PTPRD: variants seen among roughly 807,000 people sequenced by gnomAD.
PTPRD encodes protein tyrosine phosphatase receptor type D, also known as receptor-type tyrosine-protein phosphatase delta.
A neutral mutation model predicts 214.5 loss-of-function variants in PTPRD; 34 were observed. The ratio of observed to expected loss-of-function variants is 0.16; its 90% confidence interval spans 0.12 to 0.21. The LOEUF (loss-of-function observed/expected upper bound fraction) is 0.21. PTPRD is among the 10% of genes least tolerant of loss of function. The pLI is 1.00. For missense variants in PTPRD, 2,545 were observed against 2,398.7 expected (o/e 1.06, Z -1.27); for synonymous variants, 1,128 against 845.7 (o/e 1.33, Z -5.79).
At chr9:9,308,958 A>G (rs1341461075) in intron 9 of PTPRD, among the ~76,000 whole-genome samples, 2 of 152,118 alleles carry the variant, frequency 1.3e-5, no homozygotes, top group African/African-American at 2.4e-5. Flanking sequence ...ATTTTCCAGA[A>G]ATATCAGGTA....
chr9:9,447,785 A>G (rs77575194), intron 8 of PTPRD, among the ~76,000 whole-genome samples: 1,731 of 152,236 alleles, frequency 0.011, 39 homozygotes, highest in African/African-American at 0.039. Context: ...TAGGCAGAAT[A>G]TGGAAGAACG....
chr9:8,593,433 C>G (rs1017139302), intron 14 of PTPRD, among the ~76,000 whole-genome samples: 1 of 152,222 alleles, frequency 6.6e-6, no homozygotes, highest in African/African-American at 2.4e-5. Context: ...TTTGTTGTTG[C>G]TATTTCTAAT....
At chr9:9,111,864 A>T (rs933144018) in intron 10 of PTPRD, among the ~76,000 whole-genome samples, 1 of 152,160 alleles carries the variant, frequency 6.6e-6, no homozygotes, top group Non-Finnish European at 1.5e-5. Context: ...TTTCCACTGC[A>T]TGATACAAAA....
intron 11 of PTPRD, among the ~76,000 whole-genome samples, chr9:8,888,410 T>C (rs949238298): frequency 1.3e-5 from 2 of 152,176 alleles, no homozygotes; most frequent in African/African-American, 4.8e-5. Context: ...TACCACTAAA[T>C]TCAAGGTAGA....
chr9:8,573,042 A>G (rs951843869), intron 14 of PTPRD, among the ~76,000 whole-genome samples: 3 of 152,096 alleles, frequency 2.0e-5, no homozygotes, highest in African/African-American at 7.2e-5. Flanking sequence ...ATTTTTGTTC[A>G]TGATCTGTTG....
At chr9:10,005,738 A>G (rs2096460234) in intron 4 of PTPRD, among the ~76,000 whole-genome samples, 1 of 152,114 alleles carries the variant, frequency 6.6e-6, no homozygotes, top group Non-Finnish European at 1.5e-5. Flanking sequence ...TGATAAAATG[A>G]AAATATACAT....
At chr9:8,449,528 A>T (rs893270893) in intron 34 of PTPRD, among the ~76,000 whole-genome samples, 197 bp downstream of exon 34, 1 of 152,162 alleles carries the variant, frequency 6.6e-6, no homozygotes, top group African/African-American at 2.4e-5. Flanking sequence ...TTTCTTCCCT[A>T]CCCAATTTCC....
intron 7 of PTPRD, among the ~76,000 whole-genome samples, chr9:9,637,742 C>T (rs954843014): frequency 6.6e-6 from 1 of 152,134 alleles, no homozygotes; most frequent in Non-Finnish European, 1.5e-5. Context: ...TTAGGCATTG[C>T]CCTATTGAGA....
At position 8,920,353 on chromosome 9, in the gene PTPRD, C is replaced by T. The variant is rs114762401; in HGVS notation, c.-104+98344G>A. On this transcript the variant is annotated intron_variant, in intron 11 of 45. Coordinates refer to ENST00000381196, the MANE Select transcript of PTPRD (RefSeq NM_002839.4). The stretch of plus-strand genomic sequence containing the variant: ...GAGACTCCAAAAAAAAATATTAAGA[C>T]AATATTTTTTCTTAAATACTAAGGA... 6.4e-3 allele frequency among the ~76,000 whole-genome samples: 974 copies of T among 151,934 alleles called. 13 individuals are homozygous for T. The highest frequency in any genetic ancestry group is 0.022 in the African/African-American group (892 of 41,448).
chr9:9,066,563 A>G lies in PTPRD; in HGVS notation c.-142-47828T>C, dbSNP rs1400808553. Reference sequence around the variant, plus strand: ...ATATGACCAACAACAACAACAACAAAAAGTTTTGCAGATGTGACTAAATTA... The same window carrying G: ...ATATGACCAACAACAACAACAACAAGAAGTTTTGCAGATGTGACTAAATTA... On this transcript the variant is annotated intron_variant, in intron 10 of 45. Coordinates refer to ENST00000381196, the MANE Select transcript of PTPRD (RefSeq NM_002839.4). Among the ~76,000 whole-genome samples, 9 of 147,912 alleles carry G rather than the reference A, an allele frequency of 6.1e-5. No homozygotes were observed. The Admixed American group carries it at 6.2e-4, about 10-fold the overall frequency.
At chr9:9,206,472 G>T (rs1468678054) in intron 9 of PTPRD, among the ~76,000 whole-genome samples, 1 of 152,176 alleles carries the variant, frequency 6.6e-6, no homozygotes, top group Non-Finnish European at 1.5e-5. Flanking sequence ...TGATTGGACT[G>T]AAGGATGCAA....
At position 9,730,508 on chromosome 9, in the gene PTPRD, A is replaced by G. The variant is rs567330077; in HGVS notation, c.-287+4025T>C. On this transcript the variant is annotated intron_variant, in intron 7 of 45. Coordinates refer to ENST00000381196, the MANE Select transcript of PTPRD (RefSeq NM_002839.4). ...GCAATTTATTTCCCCTTGGATTTAA[A>G]GTAACTATCTCTGAATTTTTCTCAA... 5.3e-5 allele frequency among the ~76,000 whole-genome samples: 8 copies of G among 152,276 alleles called. No individual in the cohort carries two copies. The South Asian group carries it at 1.4e-3, about 28-fold the overall frequency.
chr9:10,170,277 T>C (rs565815685), intron 3 of PTPRD, among the ~76,000 whole-genome samples: 8 of 152,320 alleles, frequency 5.3e-5, no homozygotes, highest in South Asian at 2.1e-4. Flanking sequence ...AAAGTGGCCA[T>C]TGAAAGAACT....
At chr9:8,886,538 G>A (rs1163052300) in intron 11 of PTPRD, among the ~76,000 whole-genome samples, 2 of 152,118 alleles carry the variant, frequency 1.3e-5, no homozygotes, top group Admixed American at 6.5e-5. Context: ...ATGCAGTTAG[G>A]AAGAATGGGG....
At chr9:10,447,779 T>G (rs774962842) in intron 2 of PTPRD, among the ~76,000 whole-genome samples, 1 of 152,000 alleles carries the variant, frequency 6.6e-6, no homozygotes, top group African/African-American at 2.4e-5. Context: ...CTTCAGGTTC[T>G]CTATTATTTA....
Position 8,500,930 on chromosome 9 carries a change from G to T in PTPRD, c.1952C>A (p.Ala651Glu), listed in dbSNP as rs747273613. 17 of 1,614,000 alleles carry T rather than the reference G, an allele frequency of 1.1e-5. No individual in the cohort carries two copies. Among genetic ancestry groups the T allele is most frequent in the Admixed American group, 1.7e-5 (1 of 59,990 alleles). ...IITEYSIKYTAVDGEDDKPHE... is the reference protein window; with the variant it reads ...IITEYSIKYTEVDGEDDKPHE... ...AGGCTTGTCATCTTCCCCATCCACT[G>T]CAGTGTACTTGATGGAGTATTCAGT... Residue 651 changes from alanine to glutamate, a missense_variant, in exon 24 of 46, where the codon GCA becomes GAA. Transcript: ENST00000381196.
At chr9:9,081,054 T>G (rs1300993820) in intron 10 of PTPRD, among the ~76,000 whole-genome samples, 2 of 152,136 alleles carry the variant, frequency 1.3e-5, no homozygotes, top group African/African-American at 2.4e-5. Flanking sequence ...ATTTGTTTGC[T>G]CTTGCTTCTC....
chr9:9,356,838 A>G (rs1163548647), intron 9 of PTPRD, among the ~76,000 whole-genome samples: 1 of 151,388 alleles, frequency 6.6e-6, no homozygotes, highest in Non-Finnish European at 1.5e-5. Flanking sequence ...AATTCAATAC[A>G]AAAACATTCC....
chr9:8,426,966 A>C (rs1030774712), intron 35 of PTPRD, among the ~76,000 whole-genome samples: 1 of 152,144 alleles, frequency 6.6e-6, no homozygotes, highest in African/African-American at 2.4e-5. Context: ...TTTTGGATGC[A>C]ATGTTTCTTC....
Sources: allele counts gnomAD v4.1 joint callset (sites outside exome capture counted in the v4.1 genomes callset), GRCh38; gene constraint gnomAD v4.1.1; transcripts MANE v1.5; gene names NCBI Gene and HGNC (gene_info 2026-07-23, HGNC 2026-07-21).